Variants in TRPM3 observed in about 807,000 individuals in gnomAD.
TRPM3 encodes the protein long transient receptor potential channel 3.
In TRPM3, 77 loss-of-function variants were observed where a neutral mutation model predicts 181.2. That is an observed-to-expected ratio of 0.42 (90% CI 0.35 to 0.51). TRPM3 has a LOEUF of 0.51. Ranked by LOEUF, TRPM3 falls within the 20% of genes least tolerant of loss-of-function variation. The pLI, the probability that TRPM3 is intolerant of heterozygous loss-of-function variation, is 0.01. For missense variants in TRPM3, 1,759 were observed against 2,196.7 expected (o/e 0.80, Z 3.98); for synonymous variants, 745 against 796.4 (o/e 0.94, Z 1.09).
chr9:70,769,754 TGTTTG>T (rs2079860218), intron 7 of TRPM3, among the ~76,000 whole-genome samples: 1 of 143,676 alleles, frequency 7.0e-6, no homozygotes. Flanking sequence ...GGAAATTATT[TGTTTG>T]TCTTACTCTA....
chr9:71,440,724 T>C (rs981261903), intron 1 of TRPM3, among the ~76,000 whole-genome samples: 5 of 152,034 alleles, frequency 3.3e-5, no homozygotes, highest in African/African-American at 9.7e-5. Flanking sequence ...GCCTAACACT[T>C]CTTAAGTGTT....
intron 1 of TRPM3, among the ~76,000 whole-genome samples, chr9:71,035,877 C>T (rs1056149724): frequency 6.7e-6 from 1 of 148,370 alleles, no homozygotes; most frequent in Non-Finnish European, 1.5e-5. Context: ...ATATATGGTA[C>T]AAATTATTAA....
In TRPM3 at chr9:70,743,716, C is replaced by G. The variant is rs558953707; in HGVS notation, c.1272+17885G>C. Among the ~76,000 whole-genome samples the G allele has an allele frequency of 2.1e-3, 312 of 152,084 alleles. 1 individual carries two copies. Among genetic ancestry groups the G allele is most frequent in the African/African-American group, 7.2e-3 (299 of 41,468 alleles). ...TGCCTAGGGATGCAGAGTGGAAATG[C>G]AGAGTAGGTGTGAGATGTACTCCTC... On this transcript the variant is annotated intron_variant, in intron 8 of 25. Coordinates refer to ENST00000677713, the MANE Select transcript of TRPM3 (RefSeq NM_001366145.2).
chr9:71,251,057 T>C (rs996826531), intron 1 of TRPM3, among the ~76,000 whole-genome samples: 3 of 152,166 alleles, frequency 2.0e-5, no homozygotes, highest in Non-Finnish European at 4.4e-5. Flanking sequence ...GATGAATGGA[T>C]GGATGGGAAG....
At chr9:70,753,056 G>A (rs1024289118) in intron 8 of TRPM3, among the ~76,000 whole-genome samples, 1 of 151,938 alleles carries the variant, frequency 6.6e-6, no homozygotes, top group Non-Finnish European at 1.5e-5. Context: ...GCAGTGAGCC[G>A]ACATCACACC....
Position 71,234,183 on chromosome 9 carries a change from C to T in TRPM3, c.183+212470G>A, listed in dbSNP as rs187918249. On this transcript the variant is annotated intron_variant, in intron 1 of 24. Transcript: ENST00000357533. ...TCTCAGTTCCTTGCCATGCAACCCT[C>T]TATATAGAGCTGCATTCACGTCCTT... Among the ~76,000 whole-genome samples the T allele has an allele frequency of 1.3e-3, 200 of 152,276 alleles. 3 individuals carry two copies. Among genetic ancestry groups the T allele is most frequent in the African/African-American group, 4.3e-3 (178 of 41,566 alleles).
At chr9:70,598,745 T>C (rs1374380160) in intron 20 of TRPM3, 75 bp from the exon 21 acceptor site, 4 of 1,543,072 alleles carry the variant, frequency 2.6e-6, no homozygotes, top group Admixed American at 1.8e-5. Flanking sequence ...AAGTGCTTGG[T>C]CTGTTGGCTG....
chr9:70,642,586 G>T (rs901498472), intron 9 of TRPM3, among the ~76,000 whole-genome samples: 1 of 152,156 alleles, frequency 6.6e-6, no homozygotes, highest in Admixed American at 6.5e-5. Context: ...TGTTGCTTGG[G>T]ATGGGATCCA....
chr9:70,923,641 T>C (rs75576661), intron 1 of TRPM3, among the ~76,000 whole-genome samples: 14,757 of 152,012 alleles, frequency 0.097, 958 homozygotes, highest in Non-Finnish European at 0.14. Context: ...GAATTTTTCT[T>C]GCCAGTTGTC....
intron 1 of TRPM3, among the ~76,000 whole-genome samples, chr9:70,915,615 C>G (rs1464326212): frequency 1.3e-5 from 2 of 151,418 alleles, no homozygotes; most frequent in African/African-American, 4.9e-5. Context: ...ACATGAGAGT[C>G]TTTTAATAGC....
Position 70,750,479 on chromosome 9 carries a change from G to A in TRPM3, c.1272+11122C>T, listed in dbSNP as rs139109239. 6.4e-3 allele frequency among the ~76,000 whole-genome samples: 971 copies of A among 152,258 alleles called. 12 individuals are homozygous for A. Among genetic ancestry groups the A allele is most frequent in the Non-Finnish European group, 0.011 (730 of 68,006 alleles). On this transcript the variant is annotated intron_variant, in intron 8 of 25. Transcript: ENST00000677713. Reference sequence around the variant, plus strand: ...CTGGGCCTCAAGCATCAAGCCTGGAGGAGTGTTTGGAATAGCTTGGAGGAC... The same window carrying A: ...CTGGGCCTCAAGCATCAAGCCTGGAAGAGTGTTTGGAATAGCTTGGAGGAC...
At chr9:71,204,656 A>G (rs142652387) in intron 1 of TRPM3, among the ~76,000 whole-genome samples, 1,669 of 152,248 alleles carry the variant, frequency 0.011, 27 homozygotes, top group East Asian at 0.075. Context: ...TCAGTGTGGC[A>G]ATTCTTCAGG....
At chr9:71,015,945 C>T (rs571256566) in intron 1 of TRPM3, among the ~76,000 whole-genome samples, 4 of 151,836 alleles carry the variant, frequency 2.6e-5, no homozygotes, top group African/African-American at 7.2e-5. Context: ...ACCTGTAATC[C>T]CAGCACTTTG....
intron 1 of TRPM3, among the ~76,000 whole-genome samples, chr9:70,982,306 C>A (rs2097371422): frequency 1.3e-5 from 2 of 152,168 alleles, no homozygotes; most frequent in African/African-American, 4.8e-5. Flanking sequence ...CACTACCTCT[C>A]CTAATTTCTA....
intron 3 of TRPM3, among the ~76,000 whole-genome samples, chr9:70,856,561 A>T (rs1408809192): frequency 6.6e-6 from 1 of 152,162 alleles, no homozygotes; most frequent in Non-Finnish European, 1.5e-5. Flanking sequence ...AAGCTTGTAG[A>T]TGTCATGCTG....
chr9:70,861,051 T>C (rs558901253), intron 3 of TRPM3, among the ~76,000 whole-genome samples: 32 of 152,284 alleles, frequency 2.1e-4, no homozygotes, highest in African/African-American at 6.7e-4. Flanking sequence ...CTAATACTGA[T>C]ACTTCACTAC....
At chr9:71,096,437 A>G (rs2067215412) in intron 1 of TRPM3, among the ~76,000 whole-genome samples, 3 of 151,370 alleles carry the variant, frequency 2.0e-5, no homozygotes, top group African/African-American at 7.3e-5. Context: ...AAGACCACAT[A>G]CTATGTTGCC....
At chr9:71,049,919 C>T (rs910942344) in intron 1 of TRPM3, among the ~76,000 whole-genome samples, 102 of 152,280 alleles carry the variant, frequency 6.7e-4, no homozygotes, top group African/African-American at 2.4e-3. Flanking sequence ...ATCTGCCATA[C>T]AACACTGTTC....
intron 1 of TRPM3, among the ~76,000 whole-genome samples, chr9:70,913,909 T>C (rs1484982977): frequency 6.6e-6 from 1 of 152,180 alleles, no homozygotes; most frequent in African/African-American, 2.4e-5. Context: ...TGCACTGAAA[T>C]ATTCTACTGG....
Sources: allele counts gnomAD v4.1 joint callset (sites outside exome capture counted in the v4.1 genomes callset), GRCh38; gene constraint gnomAD v4.1.1; transcripts MANE v1.5; gene names NCBI Gene and HGNC (gene_info 2026-07-23, HGNC 2026-07-21).